Variants in PGA5 observed in about 807,000 individuals in gnomAD.
The protein encoded by PGA5 is pepsinogen A5.
Under a neutral mutation model 15.9 loss-of-function variants are expected in PGA5, and 19 were observed. That is an observed-to-expected ratio of 1.19 (90% CI 0.83 to 1.75). The LOEUF is 1.75. PGA5 is among the 40% of genes most tolerant of loss of function. PGA5 has a pLI of 0.00. For missense variants in PGA5, 224 were observed against 246.4 expected, an observed-to-expected ratio of 0.91 and a Z score of 0.61; for synonymous variants, 92 against 95.8, an observed-to-expected ratio of 0.96 and a Z score of 0.23.
intron 5 of PGA5, among the ~76,000 whole-genome samples, chr11:61,247,087 T>C (rs1854074600): frequency 6.6e-6 from 1 of 151,958 alleles, no homozygotes; most frequent in South Asian, 2.1e-4. Flanking sequence ...GACATTCAGC[T>C]TTCCTCTAAC....
At chr11:61,250,534 A>G (rs905482371) in intron 8 of PGA5, among the ~76,000 whole-genome samples, 1 of 151,800 alleles carries the variant, frequency 6.6e-6, no homozygotes, top group Non-Finnish European at 1.5e-5. Context: ...AGCCACAAGA[A>G]AACTCTTTCC....
At position 61,251,155 on chromosome 11, in the gene PGA5, C is replaced by T; in HGVS notation, c.1041C>T (p.Gly347=). Residue 347 remains glycine (G), a synonymous_variant, in exon 9 of 9, where the codon GGC becomes GGT. Coordinates refer to ENST00000312403, the MANE Select transcript of PGA5 (RefSeq NM_014224.5). ...AGAGCGAGGGGAGCTGCATCAGTGG[C>T]TTCCAGGGCATGAACGTCCCCACCG... is the stretch of plus-strand genomic sequence containing the variant. The part of the protein sequence containing the change: ...ILQSEGSCIS[G]FQGMNVPTES... The T allele has an allele frequency of 1.2e-6, 2 of 1,611,834 alleles. No individual in the cohort carries two copies. Among genetic ancestry groups the T allele is most frequent in the African/African-American group, 2.7e-5 (2 of 74,786 alleles).
intron 5 of PGA5, among the ~76,000 whole-genome samples, chr11:61,247,501 T>C (rs1456300232): frequency 6.6e-6 from 1 of 151,832 alleles, no homozygotes; most frequent in East Asian, 1.9e-4. Flanking sequence ...ATGGTCTCCA[T>C]CTCCTGACCT....
intron 8 of PGA5, 56 bp downstream of exon 8, chr11:61,250,070 G>A: frequency 1.3e-6 from 2 of 1,580,326 alleles, no homozygotes; most frequent in Non-Finnish European, 1.7e-6. Flanking sequence ...TGGACACAGA[G>A]TCCCCTTCTG....
chr11:61,246,533 G>A (rs926961570), intron 5 of PGA5, among the ~76,000 whole-genome samples: 13 of 151,742 alleles, frequency 8.6e-5, no homozygotes, highest in African/African-American at 1.7e-4. Context: ...GCACTGAGGC[G>A]GGAGGATCAC....
chr11:61,248,582 C>A lies in PGA5; in HGVS notation c.773+47C>A, dbSNP rs1310659267. On this transcript the variant is annotated intron_variant, in intron 6 of 8. Transcript: ENST00000312403. ...AGCATCCAGGCCTGGGCCCCAGATCCCATTTCCTTATGGATTCATAGCCAA... is the reference window on the plus strand; with the variant it reads ...AGCATCCAGGCCTGGGCCCCAGATCACATTTCCTTATGGATTCATAGCCAA... 4 of 1,607,232 alleles carry A rather than the reference C, an allele frequency of 2.5e-6. No homozygotes were observed. In the Admixed American group the frequency reaches 6.7e-5, roughly 27 times the overall value.
At chr11:61,250,575 T>C in intron 8 of PGA5, 1 of 457,564 alleles carries the variant, frequency 2.2e-6, no homozygotes, top group Non-Finnish European at 4.4e-6. Flanking sequence ...GGTGGAAAAC[T>C]AATTTTGCCA....
chr11:61,251,088 C>A, intron 8 of PGA5, 44 bp from the exon 9 acceptor site: 1 of 1,611,814 alleles, frequency 6.2e-7, no homozygotes, highest in Non-Finnish European at 8.5e-7. Context: ...CCTATCACGG[C>A]TGAATCGGTG....
intron 6 of PGA5, 165 bp from the exon 7 acceptor site, chr11:61,249,504 G>A (rs562344217): frequency 3.0e-6 from 4 of 1,326,354 alleles, no homozygotes; most frequent in Admixed American, 4.0e-5. Flanking sequence ...TATTTGTAGG[G>A]TAAATGAATG....
At position 61,250,102 on chromosome 11, in the gene PGA5, C is replaced by T. The variant is rs1421711091; in HGVS notation, c.1017+88C>T. 93 of 1,522,638 alleles carry T rather than the reference C, an allele frequency of 6.1e-5. 1 individual carries two copies. In the South Asian group the frequency reaches 7.3e-4, roughly 12 times the overall value. 94.3% of individuals were successfully genotyped at this position (1,522,638 alleles called of 1,614,324 possible). A position where few individuals can be genotyped will look rare whatever the true frequency, so the allele number is the denominator to read the frequency against. On this transcript the variant is annotated intron_variant, in intron 8 of 8. Coordinates refer to ENST00000312403, the MANE Select transcript of PGA5 (RefSeq NM_014224.5). ...TCTGCAGAGGGAAAGTACACTTCCA[C>T]GAGCTGAAGCCAGCAGGCAGAGGCA...
intron 8 of PGA5, 48 bp from the exon 9 acceptor site, chr11:61,251,084 A>C: frequency 6.2e-7 from 1 of 1,611,744 alleles, no homozygotes; most frequent in Non-Finnish European, 8.5e-7. Context: ...AGCGCCTATC[A>C]CGGCTGAATC....
Sources: gnomAD v4.1 joint callset for allele counts (sites outside exome capture counted in the v4.1 genomes callset) on GRCh38, gnomAD v4.1.1 for gene constraint, MANE v1.5 for transcripts, NCBI Gene and HGNC (gene_info 2026-07-23, HGNC 2026-07-21) for gene names.